PRKCH: variants seen among roughly 807,000 people sequenced by gnomAD.
The protein encoded by PRKCH is protein kinase C eta, also known as protein kinase C eta type.
Under a neutral mutation model 82.5 loss-of-function variants are expected in PRKCH, and 28 were observed. The observed-to-expected ratio is 0.34, with a 90% CI of 0.25 to 0.47. The LOEUF is 0.47. Among genes scored for constraint, PRKCH ranks in the 20% least tolerant of loss-of-function variants. PRKCH has a pLI of 1.00. For synonymous variants in PRKCH, 322 were observed against 327.4 expected, an observed-to-expected ratio of 0.98 and a Z score of 0.18; for missense variants, 705 against 881.8, an observed-to-expected ratio of 0.80 and a Z score of 2.54.
chr14:61,222,361 T>C (rs917462529), intron 1 of PRKCH, among the ~76,000 whole-genome samples: 1 of 152,246 alleles, frequency 6.6e-6, no homozygotes, highest in African/African-American at 2.4e-5. Context: ...TTTGGTGTTG[T>C]GTAGATCAGA....
At chr14:61,451,070 GT>G in intron 6 of PRKCH, 99 bp downstream of exon 6, 1 of 1,364,980 alleles carries the variant, frequency 7.3e-7, no homozygotes, top group Non-Finnish European at 9.8e-7. Flanking sequence ...AGAACTGATG[GT>G]TTTAGATATG....
chr14:61,529,005 T>TGTGTGTGTGTGTGTGTGTGTGTGTGA, intron 10 of PRKCH, 70 bp from the exon 11 acceptor site: 1 of 1,459,994 alleles, frequency 6.8e-7, no homozygotes. Context: ...TGTGTGTGTG[T>TGTGTGTGTGTGTGTGTGTGTGTGTGA]GCCCATTCTG....
chr14:61,274,948 T>C (rs987871789), intron 1 of PRKCH, among the ~76,000 whole-genome samples: 1 of 152,210 alleles, frequency 6.6e-6, no homozygotes, highest in Non-Finnish European at 1.5e-5. Flanking sequence ...AATTCAGTTG[T>C]TGGCAAACTA....
rs1436691739 is a variant in PRKCH, at chr14:61,248,928, A to G, written c.-19+61260A>G. On this transcript the variant is annotated intron_variant, in intron 1 of 3. Transcript: ENST00000555185. ...GCAACTCTCATGCCTCAGCCTCCCA[A>G]GTAGCTGGGATTACAGACATGCACC... Among the ~76,000 whole-genome samples, 8 of 152,032 alleles carry G rather than the reference A, an allele frequency of 5.3e-5. No homozygotes were observed. In the South Asian group the frequency reaches 1.0e-3, roughly 20 times the overall value.
chr14:61,483,672 G>A (rs116878578), intron 9 of PRKCH, among the ~76,000 whole-genome samples: 2,135 of 152,074 alleles, frequency 0.014, 26 homozygotes, highest in South Asian at 0.024. Context: ...GCAGGAGCAC[G>A]CACCCTGCTC....
chr14:61,499,054 G>C (rs1357398164), intron 10 of PRKCH, among the ~76,000 whole-genome samples: 1 of 152,230 alleles, frequency 6.6e-6, no homozygotes, highest in Admixed American at 6.5e-5. Flanking sequence ...CCGAGGCGTT[G>C]TCATGCGTTT....
chr14:61,475,215 C>T lies in PRKCH; in HGVS notation c.1279-10287C>T, dbSNP rs1594745956. The stretch of plus-strand genomic sequence containing the variant: ...AAGTCCATAAATATCCTATTTGATG[C>T]TTAAACCAAAAGCTTTATAAAGAGA... On this transcript the variant is annotated intron_variant, in intron 9 of 13. Transcript: ENST00000332981. 2.0e-5 allele frequency among the ~76,000 whole-genome samples: 3 copies of T among 152,166 alleles called. No individual in the cohort carries two copies. In the East Asian group the frequency reaches 5.8e-4, roughly 29 times the overall value.
upstream of PRKCH, among the ~76,000 whole-genome samples, chr14:61,319,786 G>C (rs2040759754): frequency 6.6e-6 from 1 of 152,176 alleles, no homozygotes; most frequent in African/African-American, 2.4e-5. Flanking sequence ...TTGGGAGCAG[G>C]CTTTACAAGC....
intron 12 of PRKCH, among the ~76,000 whole-genome samples, chr14:61,537,296 G>A (rs768003440): frequency 3.3e-5 from 5 of 152,148 alleles, no homozygotes; most frequent in Non-Finnish European, 5.9e-5. Context: ...GGCATATGAC[G>A]ATGACACACA....
At chr14:61,533,163 T>C (rs757433876) in intron 12 of PRKCH, among the ~76,000 whole-genome samples, 28 of 152,334 alleles carry the variant, frequency 1.8e-4, no homozygotes, top group East Asian at 3.9e-4. Flanking sequence ...AGGGTGATTG[T>C]CCAGATTATA....
chr14:61,504,953 A>C (rs1887072168), intron 10 of PRKCH, among the ~76,000 whole-genome samples: 1 of 152,196 alleles, frequency 6.6e-6, no homozygotes, highest in Admixed American at 6.5e-5. Flanking sequence ...TATAATAGTG[A>C]CCACAATAGG....
intron 12 of PRKCH, among the ~76,000 whole-genome samples, chr14:61,547,519 T>G (rs900105880): frequency 1.3e-5 from 2 of 152,196 alleles, no homozygotes; most frequent in African/African-American, 4.8e-5. Context: ...TTAGTGGCCA[T>G]GTCTGAAATG....
chr14:61,486,516 A>G (rs1886231531), intron 10 of PRKCH, among the ~76,000 whole-genome samples: 1 of 152,200 alleles, frequency 6.6e-6, no homozygotes, highest in Non-Finnish European at 1.5e-5. Context: ...ATCAAATGTA[A>G]CTTTAGTCAG....
chr14:61,442,969 G>T lies in PRKCH; in HGVS notation c.428-142G>T. On this transcript the variant is annotated intron_variant, in intron 2 of 13. Transcript: ENST00000332981. ...AAGAGTCCTGTTAGGAAGCCATAAT[G>T]ATTTTAGGGGGGATGGTTTAGATCT... 7 of 780,912 alleles carry T rather than the reference G, an allele frequency of 9.0e-6. No individual in the cohort carries two copies. In the South Asian group the frequency reaches 1.4e-4, roughly 16 times the overall value. The allele number at this position is 780,912 out of a possible 1,614,324, so 48.4% of individuals were successfully genotyped here.
At chr14:61,203,122 C>A (rs909553523) in intron 1 of PRKCH, among the ~76,000 whole-genome samples, 3 of 152,142 alleles carry the variant, frequency 2.0e-5, no homozygotes, top group Non-Finnish European at 4.4e-5. Flanking sequence ...GTCCACTGCA[C>A]CTGTTCCTTC....
At chr14:61,349,755 G>A (rs1360102240) in intron 1 of PRKCH, among the ~76,000 whole-genome samples, 1 of 152,166 alleles carries the variant, frequency 6.6e-6, no homozygotes, top group Non-Finnish European at 1.5e-5. Context: ...CAGCTACTCA[G>A]GAGGCTGAGG....
chr14:61,457,604 G>C lies in PRKCH; in HGVS notation c.1203G>C (p.Met401Ile). Residue 401 changes from methionine to isoleucine, a missense_variant, in exon 9 of 14, where the codon ATG becomes ATC. This residue lies in a region of PRKCH where 238 missense variants were observed against 258.1 expected (regional missense o/e 0.92). Transcript: ENST00000332981. ...ILQDDDVECT[M>I]TEKRILSLAR... The stretch of plus-strand genomic sequence containing the variant: ...AGGATGATGATGTGGAATGCACCAT[G>C]ACCGAGAAAAGGATCCTGTCTCTGG... 6.2e-7 allele frequency: 1 copy of C among 1,614,138 alleles called. No individual in the cohort carries two copies.
At position 61,530,468 on chromosome 14, in the gene PRKCH, A is replaced by G. The variant is rs2043032281; in HGVS notation, c.1634A>G (p.Tyr545Cys). 2 of 1,611,656 alleles carry G rather than the reference A, an allele frequency of 1.2e-6. No individual in the cohort carries two copies. The highest frequency in any genetic ancestry group is 1.7e-5 in the Admixed American group (1 of 59,610). Residue 545 changes from tyrosine to cysteine, a missense_variant, in exon 12 of 14, where the codon TAT becomes TGT. Coordinates refer to ENST00000332981, the MANE Select transcript of PRKCH (RefSeq NM_006255.5). Reference sequence around the variant, plus strand: ...TGGTGGGCAATGGGCGTGTTGCTCTATGAGATGCTCTGTGGTCACGCGCCT... The same window carrying G: ...TGGTGGGCAATGGGCGTGTTGCTCTGTGAGATGCTCTGTGGTCACGCGCCT... ...VDWWAMGVLL[Y>C]EMLCGHAPFE...
At chr14:61,370,096 A>G (rs540029831) in intron 1 of PRKCH, among the ~76,000 whole-genome samples, 1 of 151,876 alleles carries the variant, frequency 6.6e-6, no homozygotes, top group African/African-American at 2.4e-5. Context: ...GGCGCCCATC[A>G]CCACACCTGG....
Sources: allele counts gnomAD v4.1 joint callset (sites outside exome capture counted in the v4.1 genomes callset), GRCh38; gene constraint gnomAD v4.1.1; regional missense constraint gnomAD v4.1.1; transcripts MANE v1.5; gene names NCBI Gene and HGNC (gene_info 2026-07-23, HGNC 2026-07-21).